The following SLC9A9 variants were observed in gnomAD, a reference collection of about 807,000 sequenced individuals.
The protein encoded by SLC9A9 is solute carrier family 9 member A9, also known as sodium/hydrogen exchanger 9.
SLC9A9 carries 62 observed loss-of-function variants against 77.8 expected under a neutral mutation model. The observed-to-expected ratio is 0.80, with a 90% CI of 0.65 to 0.98. The LOEUF (loss-of-function observed/expected upper bound fraction) is 0.98, where lower values mean the gene tolerates loss of function less well. Among genes scored for constraint, SLC9A9 ranks in the 50% least tolerant of loss-of-function variants. The pLI is 0.00. For missense variants in SLC9A9, 775 were observed against 774.9 expected (o/e 1.00, Z 0.00); for synonymous variants, 320 against 283.5 (o/e 1.13, Z -1.29).
intron 9 of SLC9A9, among the ~76,000 whole-genome samples, chr3:143,533,406 C>A (rs1450596225): frequency 6.6e-6 from 1 of 152,158 alleles, no homozygotes; most frequent in African/African-American, 2.4e-5. Flanking sequence ...ATATTTGTAT[C>A]CTTTGACTTC....
chr3:143,430,052 G>A lies in SLC9A9; in HGVS notation c.1469+36985C>T, dbSNP rs971011406. Among the ~76,000 whole-genome samples the A allele has an allele frequency of 6.6e-5, 10 of 152,192 alleles. No homozygotes were observed. In the East Asian group the frequency reaches 9.6e-4, roughly 15 times the overall value. ...TCCAAGTTTAGGTTCAAGCCACAGC[G>A]GCTTGACAGCTATTAGAATAAGAAT... On this transcript the variant is annotated intron_variant, in intron 12 of 15. Transcript: ENST00000316549.
At chr3:143,476,446 G>T (rs1428992018) in intron 11 of SLC9A9, among the ~76,000 whole-genome samples, 1 of 152,186 alleles carries the variant, frequency 6.6e-6, no homozygotes, top group Non-Finnish European at 1.5e-5. Context: ...AGCCAGAAAG[G>T]GTAATTGTAA....
intron 11 of SLC9A9, among the ~76,000 whole-genome samples, chr3:143,480,270 G>T (rs1221906008): frequency 2.6e-5 from 4 of 152,246 alleles, no homozygotes; most frequent in African/African-American, 7.2e-5. Context: ...GCAAAGTGAA[G>T]AATGATAATG....
At chr3:143,727,644 G>A (rs1489532499) in intron 4 of SLC9A9, among the ~76,000 whole-genome samples, 2 of 152,124 alleles carry the variant, frequency 1.3e-5, no homozygotes, top group South Asian at 2.1e-4. Flanking sequence ...GGCTGGCAGA[G>A]CTCATCTTCT....
chr3:143,298,212 G>A (rs551451345), intron 14 of SLC9A9, among the ~76,000 whole-genome samples: 67 of 152,300 alleles, frequency 4.4e-4, no homozygotes, highest in African/African-American at 1.6e-3. Flanking sequence ...TATCCATTCC[G>A]TGGATGAAGA....
chr3:143,589,585 G>C (rs575451610), intron 6 of SLC9A9, among the ~76,000 whole-genome samples: 1 of 152,062 alleles, frequency 6.6e-6, no homozygotes, highest in Non-Finnish European at 1.5e-5. Context: ...TGTGTAGTAG[G>C]TTATACCATC....
At chr3:143,780,158 A>G (rs972125358) in intron 4 of SLC9A9, among the ~76,000 whole-genome samples, 2 of 152,238 alleles carry the variant, frequency 1.3e-5, no homozygotes, top group Admixed American at 6.5e-5. Context: ...ATTTATCTAC[A>G]TATGTTGGAA....
At chr3:143,612,190 T>C (rs1488992208) in intron 6 of SLC9A9, among the ~76,000 whole-genome samples, 3 of 152,198 alleles carry the variant, frequency 2.0e-5, no homozygotes, top group Non-Finnish European at 2.9e-5. Flanking sequence ...CAGACAGTGA[T>C]TGCCATTGTC....
chr3:143,645,012 T>TCC (rs2038680883), intron 6 of SLC9A9, among the ~76,000 whole-genome samples: 1 of 152,246 alleles, frequency 6.6e-6, no homozygotes, highest in Non-Finnish European at 1.5e-5. Context: ...TGTTTACAAC[T>TCC]ATGGGTCAAA....
At chr3:143,701,313 G>T (rs1216081394) in intron 4 of SLC9A9, among the ~76,000 whole-genome samples, 3 of 152,028 alleles carry the variant, frequency 2.0e-5, no homozygotes, top group African/African-American at 4.8e-5. Flanking sequence ...ACTAAATAAG[G>T]CACCAGGGAA....
chr3:143,714,328 C>T (rs1331944637), intron 4 of SLC9A9, among the ~76,000 whole-genome samples: 1 of 152,222 alleles, frequency 6.6e-6, no homozygotes, highest in African/African-American at 2.4e-5. Flanking sequence ...TGTCTCTTTT[C>T]TTCATGAAGG....
intron 4 of SLC9A9, among the ~76,000 whole-genome samples, chr3:143,773,122 A>C (rs2007579331): frequency 6.6e-6 from 1 of 152,180 alleles, no homozygotes; most frequent in African/African-American, 2.4e-5. Flanking sequence ...ATTTTGCTAG[A>C]GGTTGTATAT....
chr3:143,573,467 A>G (rs146616350), intron 8 of SLC9A9, among the ~76,000 whole-genome samples: 2,073 of 152,230 alleles, frequency 0.014, 28 homozygotes, highest in Non-Finnish European at 0.021. Flanking sequence ...AGGCAACCTA[A>G]TTGCTCAATC....
At chr3:143,724,259 C>T (rs757231533) in intron 4 of SLC9A9, among the ~76,000 whole-genome samples, 23 of 152,322 alleles carry the variant, frequency 1.5e-4, no homozygotes, top group South Asian at 2.1e-4. Flanking sequence ...CTCATTCACA[C>T]GCTCTCTCTC....
intron 6 of SLC9A9, among the ~76,000 whole-genome samples, chr3:143,580,194 C>T (rs1286026704): frequency 6.6e-6 from 1 of 152,168 alleles, no homozygotes; most frequent in Non-Finnish European, 1.5e-5. Flanking sequence ...AAACCTGGTG[C>T]CCAAGGCTGT....
intron 8 of SLC9A9, among the ~76,000 whole-genome samples, chr3:143,555,858 A>C (rs1217660900): frequency 1.3e-5 from 2 of 152,236 alleles, no homozygotes; most frequent in Non-Finnish European, 2.9e-5. Context: ...TCATATAAAC[A>C]ACAAACAGTG....
intron 14 of SLC9A9, among the ~76,000 whole-genome samples, chr3:143,282,837 T>C (rs970427795): frequency 6.6e-6 from 1 of 152,218 alleles, no homozygotes; most frequent in African/African-American, 2.4e-5. Flanking sequence ...CATTAATCCA[T>C]GGTTATTTGG....
At chr3:143,753,520 A>G (rs1317314775) in intron 4 of SLC9A9, among the ~76,000 whole-genome samples, 2 of 152,242 alleles carry the variant, frequency 1.3e-5, no homozygotes, top group African/African-American at 4.8e-5. Context: ...CTAATGCTGC[A>G]CAAGCATTTT....
At chr3:143,765,151 C>T (rs1253302103) in intron 4 of SLC9A9, among the ~76,000 whole-genome samples, 1 of 138,774 alleles carries the variant, frequency 7.2e-6, no homozygotes, top group Non-Finnish European at 1.6e-5. Flanking sequence ...CTTTCTTTCT[C>T]TCTTTCTTTC....
Sources: gnomAD v4.1 joint callset for allele counts (sites outside exome capture counted in the v4.1 genomes callset) on GRCh38, gnomAD v4.1.1 for gene constraint, MANE v1.5 for transcripts, NCBI Gene and HGNC (gene_info 2026-07-23, HGNC 2026-07-21) for gene names.